Variants in DMRT1 observed in about 807,000 individuals in gnomAD.
DMRT1 encodes doublesex- and mab-3-related transcription factor 1.
A neutral mutation model predicts 32.3 loss-of-function variants in DMRT1; 7 were observed. The observed-to-expected ratio is 0.22, with a 90% CI of 0.12 to 0.41. The LOEUF is 0.41. Among genes scored for constraint, DMRT1 ranks in the 10% least tolerant of loss-of-function variants. The pLI is 1.00. For missense variants in DMRT1, 625 were observed against 500.5 expected (o/e 1.25, Z -2.37); for synonymous variants, 278 against 206.1 (o/e 1.35, Z -2.99).
chr9:905,226 T>G (rs1586597294), intron 3 of DMRT1, among the ~76,000 whole-genome samples: 1 of 152,220 alleles, frequency 6.6e-6, no homozygotes, highest in African/African-American at 2.4e-5. Flanking sequence ...TGGTATAGCA[T>G]TGGCCCTGTG....
Position 841,960 on chromosome 9 carries a change from C to T in DMRT1, c.122C>T (p.Ala41Val), listed in dbSNP as rs1369361504. 1 of 1,593,186 alleles carries T rather than the reference C, an allele frequency of 6.3e-7. No individual in the cohort carries two copies. Among genetic ancestry groups the T allele is most frequent in the Non-Finnish European group, 8.5e-7 (1 of 1,170,568 alleles). Reference protein sequence around the residue: ...FGKASGALVGAASGSSAGGSS... With the variant: ...FGKASGALVGVASGSSAGGSS... ...AAAGCGTCTGGGGCGCTAGTGGGGG[C>T]GGCCAGCGGCTCGAGCGCCGGGGGC... The change falls in exon 1 of 5, where the codon GCG becomes GTG. Residue 41 changes from alanine to valine, a missense_variant. Around this residue, in one of 3 missense-constraint regions of DMRT1, gnomAD observed 201 missense variants for 152.0 expected, o/e 1.32. Transcript: ENST00000382276.
chr9:956,577 A>C (rs894376228), intron 4 of DMRT1, among the ~76,000 whole-genome samples: 1 of 125,460 alleles, frequency 8.0e-6, no homozygotes, highest in East Asian at 2.2e-4. Flanking sequence ...AAAAAAAAAA[A>C]CAAAAAACAA....
rs77516873 is a variant in DMRT1, at chr9:932,253, C to T, written c.967+15346C>T. Among the ~76,000 whole-genome samples, 8 of 152,282 alleles carry T rather than the reference C, an allele frequency of 5.3e-5. No individual in the cohort carries two copies. The East Asian group carries it at 1.5e-3, about 29-fold the overall frequency. Reference sequence around the variant, plus strand: ...GCCTTTTAACAAATGCTCTGCATAACCTTAAACAGTTTAACTCTGATGTAC... The same window carrying T: ...GCCTTTTAACAAATGCTCTGCATAATCTTAAACAGTTTAACTCTGATGTAC... On this transcript the variant is annotated intron_variant, in intron 4 of 4. Transcript: ENST00000382276.
chr9:864,976 T>C (rs1564207133), intron 2 of DMRT1, among the ~76,000 whole-genome samples: 1 of 152,212 alleles, frequency 6.6e-6, no homozygotes, highest in Non-Finnish European at 1.5e-5. Flanking sequence ...GGAGATATAC[T>C]GTCCAGTCAC....
chr9:924,070 CTTTT>C (rs1554757297), intron 4 of DMRT1, among the ~76,000 whole-genome samples: 2 of 87,012 alleles, frequency 2.3e-5, no homozygotes, highest in African/African-American at 3.6e-5. Context: ...TGATCAATCT[CTTTT>C]TTTTTTTTTT....
intron 2 of DMRT1, among the ~76,000 whole-genome samples, chr9:855,099 T>C (rs1448434153): frequency 6.6e-6 from 1 of 151,928 alleles, no homozygotes; most frequent in Non-Finnish European, 1.5e-5. Flanking sequence ...CTATTTTAGA[T>C]AGTGTCTCAA....
At chr9:941,706 G>C (rs1819079604) in intron 4 of DMRT1, among the ~76,000 whole-genome samples, 2 of 152,122 alleles carry the variant, frequency 1.3e-5, no homozygotes, top group East Asian at 1.9e-4. Flanking sequence ...ATGTTTACAT[G>C]TATTTCACCA....
chr9:932,776 C>G (rs1818766296), intron 4 of DMRT1, among the ~76,000 whole-genome samples: 1 of 152,156 alleles, frequency 6.6e-6, no homozygotes, highest in Non-Finnish European at 1.5e-5. Context: ...CAGTAAATCT[C>G]TATAATGACT....
chr9:918,717 G>C (rs1408187417), intron 4 of DMRT1, among the ~76,000 whole-genome samples: 1 of 59,286 alleles, frequency 1.7e-5, no homozygotes, highest in Non-Finnish European at 4.2e-5. Flanking sequence ...TCAGAAACGA[G>C]AGCTGGGAAG....
chr9:960,883 G>T (rs767904387), intron 4 of DMRT1, among the ~76,000 whole-genome samples: 6 of 152,148 alleles, frequency 3.9e-5, no homozygotes, highest in Non-Finnish European at 8.8e-5. Flanking sequence ...GTGGAGTGGG[G>T]GAGCAGTGCT....
chr9:954,930 C>G (rs1160809207), intron 4 of DMRT1, among the ~76,000 whole-genome samples: 1 of 152,100 alleles, frequency 6.6e-6, no homozygotes, highest in Non-Finnish European at 1.5e-5. Context: ...ATGAGCCACT[C>G]CGCCTGGCCG....
In DMRT1 at chr9:950,126, T is replaced by C. The variant is rs193234230; in HGVS notation, c.968-17859T>C. On this transcript the variant is annotated intron_variant, in intron 4 of 4. Transcript: ENST00000382276. ...AGTAGTTTATTGAAGTCTCTTCTGC[T>C]TGGAAAGTGGAAAGATGTGGGAATT... 1.9e-3 allele frequency among the ~76,000 whole-genome samples: 285 copies of C among 152,112 alleles called. 3 individuals carry two copies. Among genetic ancestry groups the C allele is most frequent in the African/African-American group, 6.6e-3 (274 of 41,494 alleles).
chr9:888,950 G>C (rs1158017768), intron 2 of DMRT1, among the ~76,000 whole-genome samples: 1 of 149,342 alleles, frequency 6.7e-6, no homozygotes, highest in Non-Finnish European at 1.5e-5. Context: ...AACATGGTGA[G>C]ACCCCATCTG....
chr9:925,457 C>T (rs1393412362), intron 4 of DMRT1, among the ~76,000 whole-genome samples: 1 of 152,164 alleles, frequency 6.6e-6, no homozygotes, highest in Non-Finnish European at 1.5e-5. Flanking sequence ...AAGAACGCAG[C>T]CCTGCCGGAG....
intron 4 of DMRT1, among the ~76,000 whole-genome samples, chr9:957,623 GA>G (rs1314921371): frequency 3.9e-5 from 6 of 152,138 alleles, no homozygotes; most frequent in African/African-American, 1.4e-4. Flanking sequence ...CTCCTGTCTG[GA>G]AATGCCTAAA....
At chr9:864,715 T>C (rs1410168522) in intron 2 of DMRT1, among the ~76,000 whole-genome samples, 1 of 150,764 alleles carries the variant, frequency 6.6e-6, no homozygotes, top group African/African-American at 2.4e-5. Flanking sequence ...TTAGCCAGGA[T>C]GGTCTCCATC....
At chr9:911,913 G>A (rs1253022388) in intron 3 of DMRT1, among the ~76,000 whole-genome samples, 1 of 152,144 alleles carries the variant, frequency 6.6e-6, no homozygotes, top group African/African-American at 2.4e-5. Flanking sequence ...GATTCTTTGA[G>A]GTGGATGTAG....
Position 968,315 on chromosome 9 carries a change from C to A in DMRT1, c.*176C>A. The A allele has an allele frequency of 1.4e-6, 1 of 698,764 alleles. No individual in the cohort carries two copies. Among genetic ancestry groups the A allele is most frequent in the Non-Finnish European group, 2.4e-6 (1 of 420,772 alleles). 43.3% of individuals were successfully genotyped at this position (698,764 alleles called of 1,614,324 possible). A position where few individuals can be genotyped will look rare whatever the true frequency, so the allele number is the denominator to read the frequency against. ...AACACATTTGTAATACTTTAGGGTC[C>A]GTGACTACCATCTGCATGGTTTAAG... On this transcript the variant is annotated 3_prime_UTR_variant, in exon 5 of 5. Coordinates refer to ENST00000382276, the MANE Select transcript of DMRT1 (RefSeq NM_021951.3).
At chr9:911,116 T>A (rs929027562) in intron 3 of DMRT1, among the ~76,000 whole-genome samples, 7 of 152,278 alleles carry the variant, frequency 4.6e-5, no homozygotes, top group African/African-American at 1.4e-4. Context: ...CTTGGCGCTG[T>A]TCAGGCCTTG....
Sources: gnomAD v4.1 joint callset for allele counts (sites outside exome capture counted in the v4.1 genomes callset) on GRCh38, gnomAD v4.1.1 for gene constraint, gnomAD v4.1.1 regional missense constraint, MANE v1.5 for transcripts, NCBI Gene and HGNC (gene_info 2026-07-23, HGNC 2026-07-21) for gene names.